TMEM181: variants seen among roughly 807,000 people sequenced by gnomAD.
TMEM181 encodes the protein G protein-coupled receptor 178.
A neutral mutation model predicts 71.9 loss-of-function variants in TMEM181; 39 were observed. The observed-to-expected ratio is 0.54, with a 90% confidence interval of 0.42 to 0.71. TMEM181 has a LOEUF of 0.71. TMEM181 is among the 30% of genes least tolerant of loss of function. The pLI is 0.00. For synonymous variants in TMEM181, 245 were observed against 228.8 expected, an observed-to-expected ratio of 1.07 and a Z score of -0.64; for missense variants, 595 against 583.0, an observed-to-expected ratio of 1.02 and a Z score of -0.21.
intron 1 of TMEM181, among the ~76,000 whole-genome samples, chr6:158,538,315 C>T (rs961206605): frequency 6.6e-6 from 1 of 151,976 alleles, no homozygotes; most frequent in Non-Finnish European, 1.5e-5. Flanking sequence ...TGTGCCCCAT[C>T]ACCTGATTTT....
chr6:158,560,011 G>A (rs1273134856), upstream of TMEM181: 1 of 981,514 alleles, frequency 1.0e-6, no homozygotes, highest in Non-Finnish European at 1.2e-6. Flanking sequence ...GCGCGCCCGC[G>A]GCCCCGCTTC....
intron 1 of TMEM181, among the ~76,000 whole-genome samples, chr6:158,571,300 T>C (rs893677140): frequency 4.0e-5 from 6 of 148,286 alleles, no homozygotes; most frequent in Non-Finnish European, 8.9e-5. Context: ...GGTTTCACCG[T>C]GTTAGCAGGA....
chr6:158,588,214 C>T (rs1199877349), intron 5 of TMEM181, among the ~76,000 whole-genome samples: 2 of 152,216 alleles, frequency 1.3e-5, no homozygotes, highest in Non-Finnish European at 2.9e-5. Flanking sequence ...GGCTTTTAGC[C>T]CCTTTGCAGG....
chr6:158,565,694 G>A (rs1163122224), intron 1 of TMEM181, among the ~76,000 whole-genome samples: 2 of 152,266 alleles, frequency 1.3e-5, no homozygotes, highest in African/African-American at 2.4e-5. Context: ...CCATTCCTGA[G>A]GCTCAGTGCT....
In TMEM181 at chr6:158,616,498, C is replaced by T. The variant is rs548911072; in HGVS notation, c.897-7052C>T. ...TATTTCTTTCTCCTGCCTGACTGCC[C>T]GGGCCAGAACTTCCAATACTATGTT... On this transcript the variant is annotated intron_variant, in intron 10 of 16. Transcript: ENST00000684151. Among the ~76,000 whole-genome samples the T allele has an allele frequency of 1.3e-4, 20 of 152,236 alleles. No individual in the cohort carries two copies. The South Asian group carries it at 1.9e-3, about 14-fold the overall frequency.
chr6:158,626,841 CCCTCATTTTCACACAT>C, intron 13 of TMEM181: 1 of 412,868 alleles, frequency 2.4e-6, no homozygotes, highest in Non-Finnish European at 5.0e-6. Flanking sequence ...TTCACACACA[CCCTCATTTTCACACAT>C]CCTCACACCC....
intron 1 of TMEM181, among the ~76,000 whole-genome samples, chr6:158,570,012 T>A (rs1426072118): frequency 6.6e-6 from 1 of 152,230 alleles, no homozygotes. Flanking sequence ...ATTTAAAATA[T>A]AGTTATTCTG....
intron 1 of TMEM181, among the ~76,000 whole-genome samples, chr6:158,544,609 C>T: frequency 6.6e-6 from 1 of 152,178 alleles, no homozygotes; most frequent in East Asian, 1.9e-4. Context: ...TTCCATGAGC[C>T]TCGGGGCAAA....
intron 10 of TMEM181, among the ~76,000 whole-genome samples, chr6:158,612,650 C>T (rs1447614783): frequency 6.6e-6 from 1 of 152,224 alleles, no homozygotes; most frequent in Admixed American, 6.5e-5. Context: ...TTTTTAGCAG[C>T]CTCTCTTACG....
chr6:158,548,037 G>T (rs547883101), intron 1 of TMEM181, among the ~76,000 whole-genome samples: 1 of 152,006 alleles, frequency 6.6e-6, no homozygotes, highest in Non-Finnish European at 1.5e-5. Context: ...TTCGCCCCAC[G>T]CTGACTGAAC....
At chr6:158,542,456 G>A (rs1283765202) in intron 1 of TMEM181, among the ~76,000 whole-genome samples, 3 of 152,174 alleles carry the variant, frequency 2.0e-5, no homozygotes, top group Non-Finnish European at 4.4e-5. Flanking sequence ...TAACTTGTTC[G>A]AGGTTGCACT....
intron 2 of TMEM181, among the ~76,000 whole-genome samples, chr6:158,573,815 T>C (rs946147093): frequency 1.7e-4 from 26 of 152,284 alleles, no homozygotes; most frequent in Admixed American, 1.5e-3. Flanking sequence ...TCTAATCTGC[T>C]GTGCACGAGA....
intron 2 of TMEM181, among the ~76,000 whole-genome samples, chr6:158,579,819 GA>G (rs1048330956): frequency 6.6e-6 from 1 of 152,152 alleles, no homozygotes; most frequent in African/African-American, 2.4e-5. Context: ...TAAGCCATTG[GA>G]AAAAAGATAA....
intron 10 of TMEM181, among the ~76,000 whole-genome samples, chr6:158,621,015 C>G (rs1785924595): frequency 6.6e-6 from 1 of 152,164 alleles, no homozygotes; most frequent in African/African-American, 2.4e-5. Flanking sequence ...TTCTGTGTGT[C>G]TCTTTGTCTT....
rs181615002 is a variant in TMEM181 at position 158,567,160 on chromosome 6, T to C, written c.9-6260T>C. ...TAGATGCCTCTTGTGAAAAGCTGCA[T>C]GGGCCAGGAGGGGAAACTGACATGT... On this transcript the variant is annotated intron_variant, in intron 1 of 16. Transcript: ENST00000684151. Among the ~76,000 whole-genome samples, 464 of 152,274 alleles carry C rather than the reference T, an allele frequency of 3.0e-3. 10 individuals carry two copies. The highest frequency in any genetic ancestry group is 0.026 in the Admixed American group (401 of 15,294).
chr6:158,559,777 G>A (rs1782044180), upstream of TMEM181, among the ~76,000 whole-genome samples: 2 of 152,234 alleles, frequency 1.3e-5, no homozygotes, highest in South Asian at 4.1e-4. Flanking sequence ...CCAGACAACT[G>A]CAGGGCATTC....
chr6:158,612,951 GA>G, intron 10 of TMEM181, among the ~76,000 whole-genome samples: 1 of 152,310 alleles, frequency 6.6e-6, no homozygotes, highest in Non-Finnish European at 1.5e-5. Flanking sequence ...AGGAGAGGTA[GA>G]AATGACAAAA....
intron 4 of TMEM181, 60 bp from the exon 5 acceptor site, chr6:158,585,244 A>C: frequency 6.7e-7 from 1 of 1,497,098 alleles, no homozygotes; most frequent in Non-Finnish European, 8.9e-7. Context: ...CCAGGAAGGC[A>C]CCTTTGTAGG....
At chr6:158,618,690 G>T (rs971761901) in intron 10 of TMEM181, among the ~76,000 whole-genome samples, 1 of 152,170 alleles carries the variant, frequency 6.6e-6, no homozygotes, top group Non-Finnish European at 1.5e-5. Flanking sequence ...AGGCCTGGTG[G>T]TGACAAAAAT....
Sources: allele counts gnomAD v4.1 joint callset (sites outside exome capture counted in the v4.1 genomes callset), GRCh38; gene constraint gnomAD v4.1.1; transcripts MANE v1.5; gene names NCBI Gene and HGNC (gene_info 2026-07-23, HGNC 2026-07-21).